ABCC4: variants seen among roughly 807,000 people sequenced by gnomAD.
ABCC4 encodes ATP binding cassette subfamily C member 4 (PEL blood group), also known as ATP-binding cassette sub-family C member 4.
In ABCC4, 102 loss-of-function variants were observed where a neutral mutation model predicts 168.5. The observed-to-expected ratio is 0.61, with a 90% CI of 0.52 to 0.71. The LOEUF is 0.71. ABCC4 is among the 30% of genes least tolerant of loss of function. ABCC4 has a pLI of 0.00. For synonymous variants in ABCC4, 617 were observed against 590.7 expected (o/e 1.04, Z -0.65); for missense variants, 1,402 against 1,605.8 (o/e 0.87, Z 2.17).
intron 3 of ABCC4, among the ~76,000 whole-genome samples, chr13:95,239,540 C>T (rs2138776394): frequency 6.6e-6 from 1 of 152,264 alleles, no homozygotes; most frequent in South Asian, 2.1e-4. Flanking sequence ...TAATAGTATA[C>T]ATTCAAAAGA....
At chr13:95,035,423 C>A (rs868715041) in intron 29 of ABCC4, among the ~76,000 whole-genome samples, 1 of 152,162 alleles carries the variant, frequency 6.6e-6, no homozygotes, top group African/African-American at 2.4e-5. Flanking sequence ...TTGCTCTCTG[C>A]ACAGAAGAAA....
At chr13:95,290,105 T>TAGATAGATAGAC (rs58559525) in intron 1 of ABCC4, among the ~76,000 whole-genome samples, 29,349 of 122,774 alleles carry the variant, frequency 0.24, 3,782 homozygotes, top group Non-Finnish European at 0.33. Flanking sequence ...TCAAAAAAAA[T>TAGATAGATAGAC]AGATAGATAG....
chr13:95,267,511 C>T (rs565029063), intron 1 of ABCC4, among the ~76,000 whole-genome samples: 80 of 152,272 alleles, frequency 5.3e-4, no homozygotes, highest in African/African-American at 1.9e-3. Flanking sequence ...AATACACCAG[C>T]TCCCCTGACT....
At chr13:95,298,301 CA>C (rs2041588538) in intron 1 of ABCC4, among the ~76,000 whole-genome samples, 1 of 150,852 alleles carries the variant, frequency 6.6e-6, no homozygotes, top group East Asian at 1.9e-4. Context: ...GACTCCGTCT[CA>C]AAAAAAAGAA....
chr13:95,230,498 C>T (rs1217170852), intron 4 of ABCC4, among the ~76,000 whole-genome samples: 1 of 152,186 alleles, frequency 6.6e-6, no homozygotes, highest in African/African-American at 2.4e-5. Context: ...AGGACTCGGC[C>T]GGGTACAGTG....
intron 8 of ABCC4, among the ~76,000 whole-genome samples, chr13:95,204,467 T>C (rs2038724104): frequency 6.6e-6 from 1 of 152,184 alleles, no homozygotes; most frequent in South Asian, 2.1e-4. Context: ...GTTCTAGTGA[T>C]AGTGAGTTCT....
At chr13:95,081,587 A>C (rs1020839173) in intron 21 of ABCC4, among the ~76,000 whole-genome samples, 1 of 152,204 alleles carries the variant, frequency 6.6e-6, no homozygotes, top group Non-Finnish European at 1.5e-5. Flanking sequence ...TGAAAACCTT[A>C]CAAGACTAGA....
chr13:95,295,492 T>C (rs2041506596), intron 1 of ABCC4, among the ~76,000 whole-genome samples: 1 of 151,758 alleles, frequency 6.6e-6, no homozygotes, highest in Non-Finnish European at 1.5e-5. Context: ...ATCCCATCTC[T>C]ACTGAAAATA....
intron 1 of ABCC4, among the ~76,000 whole-genome samples, chr13:95,286,196 T>C (rs372182888): frequency 7.2e-6 from 1 of 138,232 alleles, no homozygotes; most frequent in Non-Finnish European, 1.5e-5. Flanking sequence ...TTCGGCTCAC[T>C]GCAACCTCCG....
At chr13:95,217,548 A>G (rs1338215533) in intron 4 of ABCC4, among the ~76,000 whole-genome samples, 1 of 152,112 alleles carries the variant, frequency 6.6e-6, no homozygotes, top group Admixed American at 6.5e-5. Context: ...CCTGGCCAAC[A>G]TGGTGAAACC....
chr13:95,186,356 C>A (rs754863391), intron 11 of ABCC4, among the ~76,000 whole-genome samples: 4 of 152,060 alleles, frequency 2.6e-5, no homozygotes, highest in Non-Finnish European at 4.4e-5. Context: ...ACAAGTTGAT[C>A]GCACTTGAAC....
intron 1 of ABCC4, among the ~76,000 whole-genome samples, chr13:95,290,976 C>T (rs527840915): frequency 7.9e-4 from 101 of 127,256 alleles, no homozygotes; most frequent in Middle Eastern, 4.4e-3. Context: ...TCGGCCTGGG[C>T]GACAGAGCAA....
At chr13:95,208,335 CAA>C (rs757937530) in intron 6 of ABCC4, among the ~76,000 whole-genome samples, 4 of 75,842 alleles carry the variant, frequency 5.3e-5, no homozygotes, top group Non-Finnish European at 8.0e-5. Flanking sequence ...AAGAGGAGAG[CAA>C]AAAAAAAAAA....
At chr13:95,112,975 G>T (rs948754364) in intron 20 of ABCC4, among the ~76,000 whole-genome samples, 1 of 152,068 alleles carries the variant, frequency 6.6e-6, no homozygotes, top group Admixed American at 6.6e-5. Context: ...TTTTGAAAGG[G>T]GCTAAATAAA....
chr13:95,240,866 G>A (rs1415342587), intron 3 of ABCC4, among the ~76,000 whole-genome samples: 1 of 151,940 alleles, frequency 6.6e-6, no homozygotes, highest in Non-Finnish European at 1.5e-5. Context: ...AGCTATTCGG[G>A]AGGCTGAGGC....
chr13:95,266,867 C>T (rs2040692492), intron 1 of ABCC4, among the ~76,000 whole-genome samples: 1 of 143,236 alleles, frequency 7.0e-6, no homozygotes, highest in Non-Finnish European at 1.5e-5. Context: ...TCTGTCTCCA[C>T]TCAAATCTCA....
intron 29 of ABCC4, among the ~76,000 whole-genome samples, chr13:95,041,101 G>A (rs764882575): frequency 5.9e-5 from 9 of 152,214 alleles, no homozygotes; most frequent in Non-Finnish European, 1.3e-4. Flanking sequence ...TCTTTAATGT[G>A]GAGATAGTGG....
intron 20 of ABCC4, among the ~76,000 whole-genome samples, chr13:95,099,234 T>C (rs2034713424): frequency 6.6e-6 from 1 of 151,944 alleles, no homozygotes; most frequent in Non-Finnish European, 1.5e-5. Context: ...AAAAACATGG[T>C]GAACAAAAGA....
rs1364792403 is a variant in ABCC4 at position 95,141,363 on chromosome 13, A to G, written c.2455+19826T>C. On this transcript the variant is annotated intron_variant, in intron 19 of 30. Transcript: ENST00000645237. ...TTTGTTTCTCTTTTTGTCTAGATGC[A>G]TTATTTATCATCCGGGTGTTTTTGC... Among the ~76,000 whole-genome samples, 6 of 152,182 alleles carry G rather than the reference A, an allele frequency of 3.9e-5. No individual in the cohort carries two copies. In the East Asian group the frequency reaches 1.2e-3, roughly 29 times the overall value.
Sources: gnomAD v4.1 joint callset for allele counts (sites outside exome capture counted in the v4.1 genomes callset) on GRCh38, gnomAD v4.1.1 for gene constraint, MANE v1.5 for transcripts, NCBI Gene and HGNC (gene_info 2026-07-23, HGNC 2026-07-21) for gene names.